The following PCDHGA2 variants were observed in gnomAD, a reference collection of about 807,000 sequenced individuals.
PCDHGA2 encodes protocadherin gamma-A2.
In PCDHGA2, 40 loss-of-function variants were observed where a neutral mutation model predicts 59.2. The observed-to-expected ratio is 0.68, with a 90% confidence interval of 0.52 to 0.88. The LOEUF (loss-of-function observed/expected upper bound fraction) is 0.88, where lower values mean the gene tolerates loss of function less well. PCDHGA2 is among the 40% of genes least tolerant of loss of function. The pLI is 0.00. For missense variants in PCDHGA2, 1,226 were observed against 1,204.0 expected, an observed-to-expected ratio of 1.02 and a Z score of -0.27; for synonymous variants, 560 against 526.0, an observed-to-expected ratio of 1.06 and a Z score of -0.89.
intron 1 of PCDHGA2, chr5:141,392,740 G>A: frequency 1.4e-6 from 2 of 1,435,578 alleles, no homozygotes. Context: ...CATCTCCATA[G>A]CTGCGGCAAG....
intron 2 of PCDHGA2, among the ~76,000 whole-genome samples, chr5:141,502,905 A>T (rs1364939091): frequency 1.5e-5 from 2 of 131,814 alleles, no homozygotes; most frequent in Non-Finnish European, 3.0e-5. Flanking sequence ...CTCTGTTGCC[A>T]GGCTGGAGTG....
In PCDHGA2 at chr5:141,442,072, C is replaced by G. The variant is rs1034351866; in HGVS notation, c.2425-52735C>G. On this transcript the variant is annotated intron_variant, in intron 1 of 3. Transcript: ENST00000394576. ...GTCGCGGTGCACTGCGGTGGACAGC[C>G]GCTCCTCTCGCTACCGCCACGTCAC... 17 of 175,092 alleles carry G rather than the reference C, an allele frequency of 9.7e-5. No homozygotes were observed. The South Asian group carries it at 1.5e-3, about 16-fold the overall frequency. 10.8% of individuals were successfully genotyped at this position (175,092 alleles called of 1,614,324 possible). A position where few individuals can be genotyped will look rare whatever the true frequency, so the allele number is the denominator to read the frequency against.
rs1779505290 is a variant in PCDHGA2, at chr5:141,383,837, C to A, written c.2424+42442C>A. On this transcript the variant is annotated intron_variant, in intron 1 of 3. Transcript: ENST00000394576. ...GAAGGATTAGATTATGAAGAAACTG[C>A]CTTCTATGAAATGGAGGTTCAGGCT... 1 of 1,613,886 alleles carries A rather than the reference C, an allele frequency of 6.2e-7. No homozygotes were observed. The highest frequency in any genetic ancestry group is 1.1e-5 in the South Asian group (1 of 91,078).
chr5:141,440,878 C>A (rs1359689557), intron 1 of PCDHGA2: 1 of 152,146 alleles, frequency 6.6e-6, no homozygotes, highest in Non-Finnish European at 1.5e-5. Context: ...TGTACAGCGT[C>A]GGCCTTCAGG....
intron 1 of PCDHGA2, chr5:141,405,106 C>G: frequency 6.2e-7 from 1 of 1,613,964 alleles, no homozygotes; most frequent in Non-Finnish European, 8.5e-7. Flanking sequence ...GGCTGAGGCA[C>G]TGGCACTCCT....
At position 141,432,119 on chromosome 5, in the gene PCDHGA2, C is replaced by T. The variant is rs1273427353; in HGVS notation, c.2425-62688C>T. On this transcript the variant is annotated intron_variant, in intron 1 of 3. Transcript: ENST00000394576. The surrounding 1 kb of genome is among the most constrained non-coding windows in gnomAD (Gnocchi z 6.0). ...CAACGACAACCCGCCGGTCTTCCCT[C>T]AGGCCTCCTATTCCGCTTATATCCC... is the stretch of plus-strand genomic sequence containing the variant. 7 of 1,614,184 alleles carry T rather than the reference C, an allele frequency of 4.3e-6. No homozygotes were observed. Among genetic ancestry groups the T allele is most frequent in the Non-Finnish European group, 5.9e-6 (7 of 1,180,032 alleles).
chr5:141,364,961 C>T, intron 1 of PCDHGA2: 1 of 1,613,964 alleles, frequency 6.2e-7, no homozygotes, highest in Non-Finnish European at 8.5e-7. Flanking sequence ...TCACGACCTC[C>T]TCCTCACAGC....
intron 1 of PCDHGA2, chr5:141,417,697 C>T: frequency 8.8e-7 from 1 of 1,140,966 alleles, no homozygotes; most frequent in Non-Finnish European, 1.2e-6. Context: ...AAAACCAGCT[C>T]CCACACAGAG....
intron 1 of PCDHGA2, chr5:141,359,986 G>A: frequency 4.4e-6 from 4 of 913,920 alleles, no homozygotes; most frequent in Non-Finnish European, 6.1e-6. Context: ...CTCTTAGAGG[G>A]GAACTTCCTG....
intron 2 of PCDHGA2, 117 bp downstream of exon 2, chr5:141,494,982 G>T: frequency 1.3e-6 from 2 of 1,563,940 alleles, no homozygotes; most frequent in Non-Finnish European, 1.7e-6. Flanking sequence ...CTCAGTTTGA[G>T]ATCCCAGGGA....
chr5:141,489,080 C>CCCA lies in PCDHGA2; in HGVS notation c.2425-5727_2425-5726insCCA. On this transcript the variant is annotated intron_variant, in intron 1 of 3. Coordinates refer to ENST00000394576, the MANE Select transcript of PCDHGA2 (RefSeq NM_018915.4). This position sits in a 1 kb window ranked among gnomAD's most constrained non-coding sequence, Gnocchi z 4.5. ...TCCCCTCCCCCCTGCCCACCCCCGC[C>CCCA]ACTCGGTGACTAAGAACTGCTGCAA... 3.0e-6 allele frequency: 1 copy of CCCA among 336,172 alleles called. No individual in the cohort carries two copies. The highest frequency in any genetic ancestry group is 5.5e-5 in the East Asian group (1 of 18,342). 20.8% of individuals were successfully genotyped at this position (336,172 alleles called of 1,614,324 possible).
chr5:141,419,522 C>A, intron 1 of PCDHGA2: 4 of 1,612,178 alleles, frequency 2.5e-6, no homozygotes, highest in Non-Finnish European at 3.4e-6. Context: ...GGTGGGCGAC[C>A]GTAACGACAA....
intron 1 of PCDHGA2, chr5:141,371,607 G>T (rs2149987986): frequency 6.2e-6 from 10 of 1,614,022 alleles, no homozygotes; most frequent in Admixed American, 1.7e-5. Context: ...ATACAGGTTG[G>T]TGACAGATGG....
chr5:141,500,497 C>T (rs1214550546), intron 2 of PCDHGA2, among the ~76,000 whole-genome samples: 1 of 152,174 alleles, frequency 6.6e-6, no homozygotes, highest in Non-Finnish European at 1.5e-5. Context: ...GCGTGAGCCA[C>T]CGCGCCTGGC....
intron 1 of PCDHGA2, chr5:141,421,906 G>C: frequency 6.2e-7 from 1 of 1,613,770 alleles, no homozygotes; most frequent in Non-Finnish European, 8.5e-7. Context: ...AAAGGGCGCA[G>C]TTCCCATTCG....
chr5:141,419,737 G>C lies in PCDHGA2; in HGVS notation c.2425-75070G>C, dbSNP rs201663350. The C allele has an allele frequency of 1.9e-6, 3 of 1,613,718 alleles. No homozygotes were observed. In the African/African-American group the frequency reaches 4.0e-5, roughly 22 times the overall value. Reference sequence around the variant, plus strand: ...GCCTGGGGCTGCGAACAGGCGAGGTGCGCATGGTGCGTGCTTTGGGTGACA... The same window carrying C: ...GCCTGGGGCTGCGAACAGGCGAGGTCCGCATGGTGCGTGCTTTGGGTGACA... On this transcript the variant is annotated intron_variant, in intron 1 of 3. Transcript: ENST00000394576.
intron 1 of PCDHGA2, chr5:141,421,453 T>G: frequency 1.2e-6 from 2 of 1,614,102 alleles, no homozygotes; most frequent in Middle Eastern, 1.6e-4. Context: ...GACACAGCTT[T>G]TCGCTGTGAA....
chr5:141,371,502 A>G lies in PCDHGA2; in HGVS notation c.2424+30107A>G, dbSNP rs1767800690. 4 of 1,613,820 alleles carry G rather than the reference A, an allele frequency of 2.5e-6. No individual in the cohort carries two copies. In the African/African-American group the frequency reaches 4.0e-5, roughly 16 times the overall value. On this transcript the variant is annotated intron_variant, in intron 1 of 3. Transcript: ENST00000394576. ...GCTGGGGACTGCCGTTGCCCTGATC[A>G]AAACACATGATCTAGATTCTGGATT...
intron 1 of PCDHGA2, chr5:141,364,724 C>T (rs772314048): frequency 9.3e-6 from 15 of 1,613,892 alleles, no homozygotes; most frequent in South Asian, 7.7e-5. Flanking sequence ...TAACTTCCCG[C>T]GTTTCCGGGA....
Sources: gnomAD v4.1 joint callset for allele counts (sites outside exome capture counted in the v4.1 genomes callset) on GRCh38, gnomAD v4.1.1 for gene constraint, Gnocchi (gnomAD v3.1) non-coding constraint, MANE v1.5 for transcripts, NCBI Gene and HGNC (gene_info 2026-07-23, HGNC 2026-07-21) for gene names.